RIMS2: variants seen among roughly 807,000 people sequenced by gnomAD.
RIMS2 encodes the protein regulating synaptic membrane exocytosis protein 2.
A neutral mutation model predicts 174.4 loss-of-function variants in RIMS2; 59 were observed. The ratio of observed to expected loss-of-function variants is 0.34; its 90% CI spans 0.27 to 0.42. The LOEUF (loss-of-function observed/expected upper bound fraction) is 0.42, where lower values mean the gene tolerates loss of function less well. Among genes scored for constraint, RIMS2 ranks in the 10% least tolerant of loss-of-function variants. The probability of loss-of-function intolerance (pLI) is 1.00; values close to 1 mark genes in which losing one functional copy is unlikely to be tolerated. For synonymous variants in RIMS2, 606 were observed against 572.5 expected, an observed-to-expected ratio of 1.06 and a Z score of -0.84; for missense variants, 1,620 against 1,666.3, an observed-to-expected ratio of 0.97 and a Z score of 0.48.
At chr8:104,092,737 A>G (rs987403685) in intron 19 of RIMS2, among the ~76,000 whole-genome samples, 1 of 151,936 alleles carries the variant, frequency 6.6e-6, no homozygotes, top group Non-Finnish European at 1.5e-5. Flanking sequence ...CTCTTAGCAA[A>G]TGATTTTTTG....
At position 104,196,748 on chromosome 8, in the gene RIMS2, C is replaced by T. The variant is rs139895479; in HGVS notation, c.3335-48168C>T. On this transcript the variant is annotated intron_variant, in intron 19 of 23. Coordinates refer to ENST00000504942, the Ensembl canonical transcript of RIMS2. Reference sequence around the variant, plus strand: ...CAATGAATATTTTTCAGTATTATGTCGTATTTGGAAATGATATAGATGCTT... The same window carrying T: ...CAATGAATATTTTTCAGTATTATGTTGTATTTGGAAATGATATAGATGCTT... Among the ~76,000 whole-genome samples, 304 of 151,830 alleles carry T rather than the reference C, an allele frequency of 2.0e-3. 3 individuals are homozygous for T. The highest frequency in any genetic ancestry group is 6.8e-3 in the African/African-American group (280 of 41,362).
intron 19 of RIMS2, chr8:104,068,573 C>A: frequency 1.3e-6 from 2 of 1,570,178 alleles, no homozygotes; most frequent in Non-Finnish European, 1.7e-6. Context: ...AACAGGTAGC[C>A]GGATCAGATC....
intron 19 of RIMS2, among the ~76,000 whole-genome samples, chr8:104,239,121 G>A (rs1322309167): frequency 6.6e-6 from 1 of 152,200 alleles, no homozygotes; most frequent in Non-Finnish European, 1.5e-5. Context: ...ACAATGCATT[G>A]TAAGCCCTGC....
At chr8:103,800,757 T>A (rs1432956672) in intron 3 of RIMS2, among the ~76,000 whole-genome samples, 1 of 152,184 alleles carries the variant, frequency 6.6e-6, no homozygotes, top group Non-Finnish European at 1.5e-5. Flanking sequence ...ATTTTTACAA[T>A]TTATGTTCAT....
intron 3 of RIMS2, among the ~76,000 whole-genome samples, chr8:103,798,498 A>G (rs1185366117): frequency 6.6e-6 from 1 of 152,106 alleles, no homozygotes; most frequent in Admixed American, 6.6e-5. Flanking sequence ...CTCTTATTTT[A>G]TTTTGGTCCT....
At chr8:103,528,004 C>T (rs1043119411) in intron 1 of RIMS2, among the ~76,000 whole-genome samples, 1 of 152,194 alleles carries the variant, frequency 6.6e-6, no homozygotes, top group African/African-American at 2.4e-5. Flanking sequence ...TACAGTCCCA[C>T]CAACAGTGTA....
chr8:103,618,505 G>C (rs1233079105), intron 1 of RIMS2, among the ~76,000 whole-genome samples: 2 of 152,092 alleles, frequency 1.3e-5, no homozygotes, highest in Non-Finnish European at 2.9e-5. Flanking sequence ...TGAAGCTGGA[G>C]AGACCCAGAC....
chr8:103,674,946 CA>C (rs1467600068), intron 1 of RIMS2, among the ~76,000 whole-genome samples: 1 of 151,950 alleles, frequency 6.6e-6, no homozygotes, highest in Non-Finnish European at 1.5e-5. Flanking sequence ...ACAAATGAAT[CA>C]TTTTTTGATT....
At chr8:104,168,866 G>A (rs1011288901) in intron 19 of RIMS2, among the ~76,000 whole-genome samples, 11 of 151,964 alleles carry the variant, frequency 7.2e-5, no homozygotes, top group African/African-American at 2.7e-4. Context: ...AGGGATGTTG[G>A]ATTTTATCAA....
intron 3 of RIMS2, among the ~76,000 whole-genome samples, chr8:103,782,712 G>C (rs1309602966): frequency 6.6e-6 from 1 of 152,014 alleles, no homozygotes; most frequent in African/African-American, 2.4e-5. Context: ...CTGCATTATA[G>C]TTCTAATTTT....
chr8:103,975,440 C>T, exon 16 of RIMS2: 1 of 1,612,248 alleles, frequency 6.2e-7, no homozygotes, highest in Non-Finnish European at 8.5e-7. Flanking sequence ...CCATCAGGGT[C>T]TCCTCATCGA....
chr8:103,595,234 T>C (rs2094439470), intron 1 of RIMS2, among the ~76,000 whole-genome samples: 1 of 151,882 alleles, frequency 6.6e-6, no homozygotes. Context: ...AATATCTATT[T>C]GAAGTGTCCA....
chr8:103,771,341 C>CTGTT (rs1454266757), intron 3 of RIMS2, among the ~76,000 whole-genome samples: 2 of 152,034 alleles, frequency 1.3e-5, no homozygotes, highest in Non-Finnish European at 2.9e-5. Flanking sequence ...TAAAGTAAAA[C>CTGTT]TGTTTAAAAA....
At chr8:104,082,375 T>C (rs1396745912) in intron 19 of RIMS2, among the ~76,000 whole-genome samples, 1 of 152,126 alleles carries the variant, frequency 6.6e-6, no homozygotes, top group Non-Finnish European at 1.5e-5. Context: ...GATATAATTT[T>C]TAAAAATACA....
At chr8:103,923,725 C>T (rs1451997422) in intron 10 of RIMS2, among the ~76,000 whole-genome samples, 1 of 151,658 alleles carries the variant, frequency 6.6e-6, no homozygotes, top group Non-Finnish European at 1.5e-5. Context: ...AAATTGTTCA[C>T]ACATATACCC....
At chr8:104,246,465 C>T (rs1370218538) in intron 20 of RIMS2, among the ~76,000 whole-genome samples, 4 of 152,086 alleles carry the variant, frequency 2.6e-5, no homozygotes, top group Non-Finnish European at 5.9e-5. Context: ...CAGACCCCAT[C>T]TCCCCAAAAA....
At chr8:103,562,611 T>G (rs746056933) in intron 1 of RIMS2, among the ~76,000 whole-genome samples, 2 of 152,096 alleles carry the variant, frequency 1.3e-5, no homozygotes, top group Non-Finnish European at 2.9e-5. Flanking sequence ...TCCAGGTGCA[T>G]GGTGCAAGCT....
intron 3 of RIMS2, among the ~76,000 whole-genome samples, chr8:103,814,902 T>C (rs2098709795): frequency 6.6e-6 from 1 of 152,290 alleles, no homozygotes; most frequent in Non-Finnish European, 1.5e-5. Flanking sequence ...GCTAATGATA[T>C]AGCTAATCAC....
At chr8:104,206,334 C>T (rs1258494445) in intron 19 of RIMS2, among the ~76,000 whole-genome samples, 2 of 152,112 alleles carry the variant, frequency 1.3e-5, no homozygotes, top group African/African-American at 4.8e-5. Context: ...TCTCTCTGAA[C>T]TTTAGAAACA....
Sources: allele counts gnomAD v4.1 joint callset (sites outside exome capture counted in the v4.1 genomes callset), GRCh38; gene constraint gnomAD v4.1.1; transcripts MANE v1.5; gene names NCBI Gene and HGNC (gene_info 2026-07-23, HGNC 2026-07-21).